ACYP2: variants seen among roughly 807,000 people sequenced by gnomAD.
ACYP2 encodes acylphosphatase-2.
Under a neutral mutation model 11.2 loss-of-function variants are expected in ACYP2, and 12 were observed. That is an observed-to-expected ratio of 1.08 (90% CI 0.69 to 1.74). The LOEUF (loss-of-function observed/expected upper bound fraction) is 1.74. ACYP2 is among the 40% of genes most tolerant of loss of function. The probability of loss-of-function intolerance (pLI) is 0.00; values close to 1 mark genes in which losing one functional copy is unlikely to be tolerated. For synonymous variants in ACYP2, 43 were observed against 32.2 expected (o/e 1.33, Z -1.13); for missense variants, 134 against 101.9 (o/e 1.31, Z -1.35).
rs191111535 is a variant in ACYP2, at chr2:54,256,130, G to A, written c.405-48558G>A. ...GCATAGTCGAGAGTAGCGGGGCTGT[G>A]AGGACTCTCCGGGAGGCTCATGTTG... is the stretch of plus-strand genomic sequence containing the variant. On this transcript the variant is annotated intron_variant, in intron 6 of 6. Transcript: ENST00000607452. 5.0e-5 allele frequency: 80 copies of A among 1,613,778 alleles called. No individual in the cohort carries two copies. The African/African-American group carries it at 7.2e-4, about 15-fold the overall frequency.
chr2:54,108,928 C>A (rs1300485221), intron 4 of ACYP2, among the ~76,000 whole-genome samples: 1 of 152,038 alleles, frequency 6.6e-6, no homozygotes, highest in Non-Finnish European at 1.5e-5. Context: ...ATTATTTCTT[C>A]CTCTGGAAAT....
chr2:54,065,298 A>G (rs1676690024), intron 4 of ACYP2, among the ~76,000 whole-genome samples: 1 of 152,162 alleles, frequency 6.6e-6, no homozygotes, highest in Non-Finnish European at 1.5e-5. Context: ...TGCTGTTTGA[A>G]TTGGATGTTG....
intron 6 of ACYP2, among the ~76,000 whole-genome samples, chr2:54,242,516 G>A (rs1686772267): frequency 6.6e-6 from 1 of 152,090 alleles, no homozygotes; most frequent in Non-Finnish European, 1.5e-5. Context: ...GATGTTTTAG[G>A]TAAAATATAT....
chr2:53,982,690 C>T (rs1671826281), intron 2 of ACYP2, among the ~76,000 whole-genome samples: 1 of 152,174 alleles, frequency 6.6e-6, no homozygotes, highest in African/African-American at 2.4e-5. Context: ...TTGACTCTTG[C>T]TAAACTACCC....
chr2:54,153,685 T>C (rs1236331325), intron 6 of ACYP2, among the ~76,000 whole-genome samples: 2 of 151,028 alleles, frequency 1.3e-5, no homozygotes, highest in Admixed American at 6.6e-5. Flanking sequence ...CTGCAAGCTC[T>C]GCCTCCTGGG....
intron 6 of ACYP2, among the ~76,000 whole-genome samples, chr2:54,168,078 T>A (rs1044469714): frequency 5.3e-5 from 8 of 152,174 alleles, no homozygotes; most frequent in Admixed American, 4.6e-4. Context: ...AAAACTGTTT[T>A]GTCAAAATAT....
intron 2 of ACYP2, among the ~76,000 whole-genome samples, chr2:54,020,520 T>C (rs1245447731): frequency 6.6e-6 from 1 of 152,196 alleles, no homozygotes; most frequent in Non-Finnish European, 1.5e-5. Flanking sequence ...ATCCTGTCAT[T>C]ACCTAAAAAA....
At chr2:54,207,574 A>C (rs1431187453) in intron 6 of ACYP2, among the ~76,000 whole-genome samples, 1 of 152,228 alleles carries the variant, frequency 6.6e-6, no homozygotes, top group Middle Eastern at 3.2e-3. Flanking sequence ...CCAAGTTGAC[A>C]CATAAAATGT....
At chr2:54,004,864 C>T (rs1463941176) in intron 2 of ACYP2, among the ~76,000 whole-genome samples, 5 of 140,514 alleles carry the variant, frequency 3.6e-5, no homozygotes, top group Middle Eastern at 3.5e-3. Flanking sequence ...CACTGCACTC[C>T]AGCCTGGGCA....
chr2:54,265,187 AAAAG>A (rs757271356), intron 6 of ACYP2, among the ~76,000 whole-genome samples: 36 of 152,288 alleles, frequency 2.4e-4, no homozygotes, highest in Non-Finnish European at 3.1e-4. Context: ...GGAAATTTAC[AAAAG>A]AAAGAGGTTT....
At chr2:54,198,689 A>G (rs546674619) in intron 6 of ACYP2, among the ~76,000 whole-genome samples, 6 of 151,842 alleles carry the variant, frequency 4.0e-5, no homozygotes, top group Admixed American at 2.0e-4. Context: ...AAATGCAAAT[A>G]TAAGACATTT....
chr2:53,995,491 T>TA (rs907913073), intron 2 of ACYP2, among the ~76,000 whole-genome samples: 17 of 141,692 alleles, frequency 1.2e-4, no homozygotes, highest in Admixed American at 2.7e-4. Context: ...ATTTATTTTT[T>TA]ATTTATTTAT....
intron 6 of ACYP2, among the ~76,000 whole-genome samples, chr2:54,162,348 A>G (rs1331689132): frequency 6.6e-6 from 1 of 152,238 alleles, no homozygotes; most frequent in Admixed American, 6.5e-5. Context: ...TTCTTGTAAC[A>G]TAAATGAAAC....
At chr2:54,294,451 C>A (rs1689438747) in intron 6 of ACYP2, among the ~76,000 whole-genome samples, 1 of 152,070 alleles carries the variant, frequency 6.6e-6, no homozygotes, top group Non-Finnish European at 1.5e-5. Context: ...TGCAGTACAA[C>A]TGGAGAAGCA....
intron 6 of ACYP2, among the ~76,000 whole-genome samples, chr2:54,230,463 TCTC>T (rs1686183698): frequency 6.6e-6 from 1 of 152,142 alleles, no homozygotes; most frequent in South Asian, 2.1e-4. Context: ...TTCAAGCAAT[TCTC>T]CTGCCTCAGC....
At chr2:54,057,382 T>A in intron 4 of ACYP2, 1 of 397,512 alleles carries the variant, frequency 2.5e-6, no homozygotes, top group East Asian at 3.6e-5. Flanking sequence ...AAATAAATAC[T>A]GATTTTAATG....
chr2:54,101,549 A>G (rs945218856), intron 4 of ACYP2, among the ~76,000 whole-genome samples: 1 of 152,006 alleles, frequency 6.6e-6, no homozygotes, highest in Admixed American at 6.6e-5. Flanking sequence ...CGCGCCTGTA[A>G]TCCAATTCCA....
At chr2:54,051,467 T>G in intron 3 of ACYP2, 1 of 691,400 alleles carries the variant, frequency 1.4e-6, no homozygotes, top group Admixed American at 2.2e-5. Flanking sequence ...AAAAAGAAGT[T>G]TGAGGATCCC....
At chr2:54,112,627 C>T (rs185186677) in intron 4 of ACYP2, among the ~76,000 whole-genome samples, 23 of 152,248 alleles carry the variant, frequency 1.5e-4, no homozygotes, top group African/African-American at 5.1e-4. Flanking sequence ...GTGGTTTATC[C>T]ACCTAATGTG....
Sources: allele counts gnomAD v4.1 joint callset (sites outside exome capture counted in the v4.1 genomes callset), GRCh38; gene constraint gnomAD v4.1.1; transcripts MANE v1.5; gene names NCBI Gene and HGNC (gene_info 2026-07-23, HGNC 2026-07-21).